PHKA1: variants seen among roughly 807,000 people sequenced by gnomAD.
PHKA1 encodes the protein phosphorylase kinase regulatory subunit alpha 1, also known as phosphorylase b kinase regulatory subunit alpha, skeletal muscle isoform.
A neutral mutation model predicts 110.2 loss-of-function variants in PHKA1; 60 were observed. The observed-to-expected ratio is 0.54, with a 90% CI of 0.44 to 0.68. PHKA1 has a LOEUF of 0.68. Among genes scored for constraint, PHKA1 ranks in the 30% least tolerant of loss-of-function variants. The pLI is 0.00. For synonymous variants in PHKA1, 316 were observed against 333.6 expected, an observed-to-expected ratio of 0.95 and a Z score of 0.58; for missense variants, 801 against 942.5, an observed-to-expected ratio of 0.85 and a Z score of 1.97.
intron 4 of PHKA1, among the ~76,000 whole-genome samples, chrX:72,692,320 T>C (rs1556322524): frequency 8.9e-6 from 1 of 111,951 alleles, no homozygotes; most frequent in Non-Finnish European, 1.9e-5. Flanking sequence ...TTTGTTGTGA[T>C]ATCTTTGTCT....
chrX:72,617,133 G>GA lies in PHKA1; in HGVS notation c.2369+1576dup, dbSNP rs781857149. 3.3e-3 allele frequency among the ~76,000 whole-genome samples: 366 copies of GA among 110,781 alleles called. 1 individual carries two copies. Among genetic ancestry groups the GA allele is most frequent in the African/African-American group, 0.012 (355 of 30,539 alleles). On this transcript the variant is annotated intron_variant, in intron 21 of 31. Transcript: ENST00000373542. ...AAACTAAACCCAAAATTAGTAAAAGGAAGAAACAATAAACATCAGAGTGGA... is the reference window on the plus strand; with the variant it reads ...AAACTAAACCCAAAATTAGTAAAAGGAAAGAAACAATAAACATCAGAGTGGA...
At chrX:72,603,909 C>T (rs1556247139) in intron 25 of PHKA1, among the ~76,000 whole-genome samples, 1 of 110,597 alleles carries the variant, frequency 9.0e-6, no homozygotes, top group African/African-American at 3.3e-5. Flanking sequence ...ACATCAATCT[C>T]CAAGGACTGG....
At chrX:72,665,664 A>G (rs2053609082) in intron 8 of PHKA1, among the ~76,000 whole-genome samples, 1 of 112,239 alleles carries the variant, frequency 8.9e-6, no homozygotes, top group Non-Finnish European at 1.9e-5. Flanking sequence ...CAGCACATCA[A>G]AAAGATTATA....
At chrX:72,646,929 G>A (rs781929420) in intron 13 of PHKA1, among the ~76,000 whole-genome samples, 2 of 110,131 alleles carry the variant, frequency 1.8e-5, no homozygotes, top group Admixed American at 9.7e-5. Flanking sequence ...TCAGGAGTTC[G>A]AGACCAGCCT....
intron 21 of PHKA1, among the ~76,000 whole-genome samples, 196 bp downstream of exon 21, chrX:72,618,514 C>T (rs1028741962): frequency 9.0e-6 from 1 of 111,607 alleles, no homozygotes; most frequent in African/African-American, 3.3e-5. Context: ...TTAATCTTTA[C>T]AATAACTCTA....
intron 23 of PHKA1, among the ~76,000 whole-genome samples, chrX:72,607,803 A>G (rs1029233248): frequency 1.4e-4 from 16 of 111,505 alleles, no homozygotes; most frequent in South Asian, 3.8e-4. Flanking sequence ...TCAACTTTCA[A>G]TAGCAGGCCA....
At chrX:72,620,985 A>G in intron 18 of PHKA1, 84 bp from the exon 19 acceptor site, 2 of 1,022,696 alleles carry the variant, frequency 2.0e-6, no homozygotes, top group Non-Finnish European at 2.7e-6. Context: ...AAAGAGAATG[A>G]TTGGCTCCTG....
At chrX:72,699,507 CAAAAAAAAAA>C (rs1171276586) in intron 3 of PHKA1, among the ~76,000 whole-genome samples, 47 of 16,947 alleles carry the variant, frequency 2.8e-3, no homozygotes, top group Middle Eastern at 0.029. Context: ...GACTCCATCT[CAAAAAAAAAA>C]AAAAAAAAAA....
chrX:72,673,809 T>A (rs1324485377), intron 6 of PHKA1, among the ~76,000 whole-genome samples: 1 of 110,184 alleles, frequency 9.1e-6, no homozygotes, highest in African/African-American at 3.3e-5. Context: ...TCATTTGAAA[T>A]TTTTTTTTAT....
At chrX:72,675,651 G>A (rs2053770826) in intron 6 of PHKA1, among the ~76,000 whole-genome samples, 2 of 110,631 alleles carry the variant, frequency 1.8e-5, no homozygotes, top group Admixed American at 1.9e-4. Flanking sequence ...TGCTGCTGCT[G>A]CTAATGATGA....
chrX:72,606,354 GCACA>G lies in PHKA1; in HGVS notation c.2607-739_2607-736del, dbSNP rs61135772. Among the ~76,000 whole-genome samples, 665 of 101,113 alleles carry G rather than the reference GCACA, an allele frequency of 6.6e-3. 2 individuals carry two copies. Among genetic ancestry groups the G allele is most frequent in the Admixed American group, 0.012 (114 of 9,319 alleles). The allele number at this position is 101,113 out of a possible 115,157, so 87.8% of individuals were successfully genotyped here. A position where few individuals can be genotyped will look rare whatever the true frequency, so the allele number is the denominator to read the frequency against. ...TTCTATAGTTTCAATTCACACACATGCACACACACACACACACACACACACGTAT... is the reference window on the plus strand; with the variant it reads ...TTCTATAGTTTCAATTCACACACATGCACACACACACACACACACACGTAT... On this transcript the variant is annotated intron_variant, in intron 23 of 31. Transcript: ENST00000373542.
intron 6 of PHKA1, among the ~76,000 whole-genome samples, chrX:72,674,214 C>CA (rs1432489178): frequency 1.8e-5 from 2 of 110,715 alleles, no homozygotes; most frequent in African/African-American, 6.6e-5. Flanking sequence ...CATTGTTGGA[C>CA]ATGTGGGTTG....
intron 29 of PHKA1, among the ~76,000 whole-genome samples, chrX:72,588,145 C>T (rs1161448755): frequency 8.9e-6 from 1 of 112,296 alleles, no homozygotes; most frequent in Non-Finnish European, 1.9e-5. Flanking sequence ...GTCAGCACCA[C>T]ATGGCACTTA....
chrX:72,654,924 A>G (rs1200888152), intron 10 of PHKA1, among the ~76,000 whole-genome samples: 2 of 105,387 alleles, frequency 1.9e-5, no homozygotes, highest in African/African-American at 3.4e-5. Context: ...CAGCCTCCCA[A>G]GTAGCTGGGA....
chrX:72,628,081 G>A (rs1173111931), intron 16 of PHKA1, among the ~76,000 whole-genome samples: 3 of 109,869 alleles, frequency 2.7e-5, no homozygotes, highest in Non-Finnish European at 5.7e-5. Flanking sequence ...CACCTGCCTC[G>A]GCCTCCCACA....
chrX:72,709,405 T>C (rs1304459779), intron 2 of PHKA1: 1 of 107,771 alleles, frequency 9.3e-6, no homozygotes, highest in Admixed American at 1.0e-4. Flanking sequence ...AGTAGTTGCC[T>C]AAACCCTTGT....
chrX:72,613,509 AT>A lies in PHKA1; in HGVS notation c.2370-2326del, dbSNP rs1243806691. 4.5e-5 allele frequency among the ~76,000 whole-genome samples: 5 copies of A among 111,284 alleles called. No homozygotes were observed. The East Asian group carries it at 1.4e-3, about 31-fold the overall frequency. On this transcript the variant is annotated intron_variant, in intron 21 of 31. Transcript: ENST00000373542. ...ACTGTATATTCTTTTGTACTTAAAA[AT>A]TTTTGAACCATAGGAATATATCTAT...
chrX:72,653,411 A>G lies in PHKA1; in HGVS notation c.1137+24T>C, dbSNP rs782025721. 8.9e-6 allele frequency: 9 copies of G among 1,010,269 alleles called. No individual in the cohort carries two copies. In the African/African-American group the frequency reaches 1.5e-4, roughly 17 times the overall value. The allele number at this position is 1,010,269 out of a possible 1,213,427, so 83.3% of individuals were successfully genotyped here. ...ACTGCTCCTCTTCTCTATCAGCTAC[A>G]TGTTATGGCACTGTCTGACTCACCC... On this transcript the variant is annotated intron_variant, in intron 11 of 31. Coordinates refer to ENST00000373542, the MANE Select transcript of PHKA1 (RefSeq NM_002637.4).
Position 72,713,844 on chromosome X carries a change from C to G in PHKA1, c.37G>C (p.Gly13Arg). ...GTCTGTTGCACCAGTCGAGCGTAGC[C>G]GTCCAGCCGGACCCCGGAGTTACTC... ...SRSNSGVRLD[G>R]YARLVQQTIL... Residue 13 changes from glycine (G) to arginine (R), a missense_variant, in exon 1 of 32, where the codon GGC (glycine) becomes CGC (arginine). Physicochemically the swap from Gly to Arg is moderately radical, Grantham distance 125 (BLOSUM62 -2). Around this residue, in one of 2 missense-constraint regions of PHKA1, gnomAD observed 299 missense variants for 423.3 expected, o/e 0.71. Transcript: ENST00000373542. The G allele has an allele frequency of 4.1e-6, 5 of 1,209,116 alleles. No homozygotes were observed. The highest frequency in any genetic ancestry group is 5.6e-6 in the Non-Finnish European group (5 of 892,850).
Sources: allele counts gnomAD v4.1 joint callset (sites outside exome capture counted in the v4.1 genomes callset), GRCh38; gene constraint gnomAD v4.1.1; regional missense constraint gnomAD v4.1.1; transcripts MANE v1.5; gene names NCBI Gene and HGNC (gene_info 2026-07-23, HGNC 2026-07-21).